Variants in MBOAT7 observed in about 807,000 individuals in gnomAD.
MBOAT7 encodes the protein membrane-bound acylglycerophosphatidylinositol O-acyltransferase MBOAT7.
MBOAT7 carries 40 observed loss-of-function variants against 47.4 expected under a neutral mutation model. That is an observed-to-expected ratio of 0.84 (90% CI 0.66 to 1.10). The LOEUF is 1.10. Ranked by LOEUF, MBOAT7 falls within the 50% of genes least tolerant of loss-of-function variation. The pLI is 0.00. For synonymous variants in MBOAT7, 361 were observed against 292.0 expected, an observed-to-expected ratio of 1.24 and a Z score of -2.41; for missense variants, 680 against 655.6, an observed-to-expected ratio of 1.04 and a Z score of -0.41.
At chr19:54,184,387 A>AT (rs2076374237) in intron 4 of MBOAT7, among the ~76,000 whole-genome samples, 2 of 152,054 alleles carry the variant, frequency 1.3e-5, no homozygotes, top group South Asian at 4.1e-4. Flanking sequence ...ACTGAGCTGA[A>AT]TATGTTGTAC....
At chr19:54,182,831 G>C (rs902870620) in intron 5 of MBOAT7, among the ~76,000 whole-genome samples, 5 of 152,022 alleles carry the variant, frequency 3.3e-5, no homozygotes, top group African/African-American at 1.2e-4. Context: ...CTCCCAAGTA[G>C]CTGGGATTAC....
At position 54,173,779 on chromosome 19, in the gene MBOAT7, C is replaced by T. The variant is rs936875730; in HGVS notation, c.*265G>A. ...CCTTCCGTTTTGGGGAAGTGCAGTG[C>T]TCTCTGGATACCCAGAAGCTGGAGC... On this transcript the variant is annotated 3_prime_UTR_variant, in exon 8 of 8. Transcript: ENST00000245615. The T allele has an allele frequency of 2.7e-5, 12 of 441,508 alleles. No individual in the cohort carries two copies. Among genetic ancestry groups the T allele is most frequent in the African/African-American group, 2.5e-4 (12 of 48,794 alleles). The allele number at this position is 441,508 out of a possible 1,614,324, so 27.3% of individuals were successfully genotyped here.
chr19:54,186,810 T>C (rs1260125526), intron 4 of MBOAT7: 4 of 276,178 alleles, frequency 1.4e-5, no homozygotes, highest in Non-Finnish European at 2.8e-5. Flanking sequence ...ACCAAGTACC[T>C]TCTCCCCAGA....
chr19:54,188,288 G>T lies in MBOAT7; in HGVS notation c.135C>A (p.Thr45=), dbSNP rs918127608. 1 of 1,613,896 alleles carries T rather than the reference G, an allele frequency of 6.2e-7. No homozygotes were observed. Residue 45 remains threonine, a synonymous_variant, in exon 3 of 8, where the codon ACC becomes ACA. Coordinates refer to ENST00000245615, the MANE Select transcript of MBOAT7 (RefSeq NM_024298.5). ...AAVGLGLTLF[T]CGPHTLHSLV... is the part of the protein sequence containing the mutation. ...GAGAATGCAAAGTGTGGGGGCCACAGGTGAACAGGGTGAGCCCCAGGCCCA... is the reference window on the plus strand; with the variant it reads ...GAGAATGCAAAGTGTGGGGGCCACATGTGAACAGGGTGAGCCCCAGGCCCA...
chr19:54,173,770 A>C lies in MBOAT7; in HGVS notation c.*274T>G. 2.5e-6 allele frequency: 1 copy of C among 395,214 alleles called. No individual in the cohort carries two copies. Among genetic ancestry groups the C allele is most frequent in the Non-Finnish European group, 4.5e-6 (1 of 222,780 alleles). The allele number at this position is 395,214 out of a possible 1,614,324, so 24.5% of individuals were successfully genotyped here. ...CCAGGGGCCCCTTCCGTTTTGGGGAAGTGCAGTGCTCTCTGGATACCCAGA... is the reference window on the plus strand; with the variant it reads ...CCAGGGGCCCCTTCCGTTTTGGGGACGTGCAGTGCTCTCTGGATACCCAGA... On this transcript the variant is annotated 3_prime_UTR_variant, in exon 8 of 8. Transcript: ENST00000245615.
chr19:54,178,620 G>A, intron 7 of MBOAT7, 145 bp downstream of exon 7: 3 of 1,434,956 alleles, frequency 2.1e-6, no homozygotes, highest in South Asian at 3.0e-5. Context: ...TATAATTAGA[G>A]GCAGGGCAAA....
chr19:54,178,612 T>C (rs1317446357), intron 7 of MBOAT7, 153 bp downstream of exon 7: 1 of 1,428,666 alleles, frequency 7.0e-7, no homozygotes, highest in Admixed American at 3.0e-5. Flanking sequence ...GCTGCCACTA[T>C]AATTAGAGGC....
Position 54,180,708 on chromosome 19 carries a change from G to A in MBOAT7, c.854+65C>T. 1 of 1,419,252 alleles carries A rather than the reference G, an allele frequency of 7.0e-7. No homozygotes were observed. Among genetic ancestry groups the A allele is most frequent in the Non-Finnish European group, 9.2e-7 (1 of 1,084,038 alleles). The allele number at this position is 1,419,252 out of a possible 1,614,324, so 87.9% of individuals were successfully genotyped here. ...GCTCCCCGCTCTCCTCCCGGCTAGG[G>A]GCAGAGCCAGCCCTTGGAGGTGGGG... On this transcript the variant is annotated intron_variant, in intron 6 of 7. Transcript: ENST00000245615. This position sits in a 1 kb window ranked among gnomAD's most constrained non-coding sequence, Gnocchi z 5.2.
intron 7 of MBOAT7, among the ~76,000 whole-genome samples, chr19:54,175,653 G>A (rs553351278): frequency 1.2e-4 from 18 of 152,094 alleles, no homozygotes; most frequent in Admixed American, 3.3e-4. Context: ...GGATTCAAGC[G>A]ATTCTTATGC....
chr19:54,182,035 G>A (rs1374661620), intron 5 of MBOAT7, among the ~76,000 whole-genome samples: 1 of 148,470 alleles, frequency 6.7e-6, no homozygotes, highest in Non-Finnish European at 1.5e-5. Context: ...GGGAAGGAAG[G>A]AGGGAAGGAA....
chr19:54,181,266 G>A, intron 5 of MBOAT7, 133 bp from the exon 6 acceptor site: 1 of 1,104,734 alleles, frequency 9.1e-7, no homozygotes, highest in Non-Finnish European at 1.2e-6. Context: ...GCGCCGGGGA[G>A]ACCCCAAGGG....
intron 7 of MBOAT7, chr19:54,178,179 G>A: frequency 1.0e-6 from 1 of 967,232 alleles, no homozygotes; most frequent in Non-Finnish European, 1.2e-6. Context: ...CAAAGTGCTG[G>A]GATTCCAGGC....
At position 54,187,215 on chromosome 19, in the gene MBOAT7, G is replaced by T. The variant is rs768066555; in HGVS notation, c.279C>A (p.Gly93=). The T allele has an allele frequency of 1.2e-6, 2 of 1,603,232 alleles. No homozygotes were observed. Among genetic ancestry groups the T allele is most frequent in the Admixed American group, 1.7e-5 (1 of 58,462 alleles). The change falls in exon 4 of 8, where the codon GGC becomes GGA. Residue 93 remains glycine, a synonymous_variant. Coordinates refer to ENST00000245615, the MANE Select transcript of MBOAT7 (RefSeq NM_024298.5). ...LLFFRALSLL[G]LPTPTPFTNA... ...TGGTGAAGGGCGTGGGAGTGGGCAG[G>T]CCCAGGAGGCTGAGGGCTCGGAAGA...
At chr19:54,186,424 G>A (rs554875156) in intron 4 of MBOAT7, among the ~76,000 whole-genome samples, 9 of 152,294 alleles carry the variant, frequency 5.9e-5, no homozygotes, top group African/African-American at 1.9e-4. Flanking sequence ...GAAGTCCAAT[G>A]TCCTCACGGT....
At position 54,180,378 on chromosome 19, in the gene MBOAT7, G is replaced by T; in HGVS notation, c.854+395C>A. On this transcript the variant is annotated intron_variant, in intron 6 of 7. Coordinates refer to ENST00000245615, the MANE Select transcript of MBOAT7 (RefSeq NM_024298.5). This position sits in a 1 kb window ranked among gnomAD's most constrained non-coding sequence, Gnocchi z 5.2. ...AGCAAATAGTGGCGTTCTGTTGCTA[G>T]GGAACCGTTTCCCTAGCAACAGAGG... 6.0e-6 allele frequency: 1 copy of T among 167,220 alleles called. No individual in the cohort carries two copies. Among genetic ancestry groups the T allele is most frequent in the Non-Finnish European group, 1.3e-5 (1 of 78,158 alleles). The allele number at this position is 167,220 out of a possible 1,614,324, so 10.4% of individuals were successfully genotyped here.
At position 54,176,486 on chromosome 19, in the gene MBOAT7, A is replaced by T. The variant is rs189355954; in HGVS notation, c.1032-2055T>A. On this transcript the variant is annotated intron_variant, in intron 7 of 7. Transcript: ENST00000245615. ...GACAGGAGGATTGCTTGAACCTGGG[A>T]GGGAGAGGTTGCAGTGAGCCGAGAT... Among the ~76,000 whole-genome samples, 12 of 152,152 alleles carry T rather than the reference A, an allele frequency of 7.9e-5. No homozygotes were observed. In the East Asian group the frequency reaches 2.3e-3, roughly 30 times the overall value.
intron 5 of MBOAT7, among the ~76,000 whole-genome samples, chr19:54,182,597 A>G (rs181224687): frequency 6.6e-6 from 1 of 152,268 alleles, no homozygotes; most frequent in Admixed American, 6.5e-5. Context: ...TATTGGAAAA[A>G]AAACCTTTGA....
In MBOAT7 at chr19:54,188,018, AAAGAAAGAAAGAAAG is replaced by A. The variant is rs2076484703; in HGVS notation, c.206+184_206+198del. ...CAACAGGAGCGAAACTCCATCTCAG[AAAGAAAGAAAGAAAG>A]AAAGAAAGAAAGAAAGAAAGAAAGA... On this transcript the variant is annotated intron_variant, in intron 3 of 7. Transcript: ENST00000245615. Among the ~76,000 whole-genome samples, 208 of 96,552 alleles carry A rather than the reference AAAGAAAGAAAGAAAG, an allele frequency of 2.2e-3. 2 individuals carry two copies. Among genetic ancestry groups the A allele is most frequent in the Middle Eastern group, 5.1e-3 (1 of 196 alleles). The allele number at this position is 96,552 out of a possible 152,430, so 63.3% of individuals were successfully genotyped here.
intron 7 of MBOAT7, 146 bp downstream of exon 7, chr19:54,178,619 A>T: frequency 7.0e-7 from 1 of 1,432,686 alleles, no homozygotes; most frequent in Non-Finnish European, 9.1e-7. Context: ...CTATAATTAG[A>T]GGCAGGGCAA....
Sources: allele counts gnomAD v4.1 joint callset (sites outside exome capture counted in the v4.1 genomes callset), GRCh38; gene constraint gnomAD v4.1.1; non-coding constraint Gnocchi (gnomAD v3.1); transcripts MANE v1.5; gene names NCBI Gene and HGNC (gene_info 2026-07-23, HGNC 2026-07-21).